LENG8: variants seen among roughly 807,000 people sequenced by gnomAD.
LENG8 encodes the protein leukocyte receptor cluster member 8, also known as leukocyte receptor cluster (LRC) member 8.
In LENG8, 28 loss-of-function variants were observed where a neutral mutation model predicts 102.1. The observed-to-expected ratio is 0.27, with a 90% CI of 0.20 to 0.38. The LOEUF (loss-of-function observed/expected upper bound fraction) is 0.38, where lower values mean the gene tolerates loss of function less well. Ranked by LOEUF, LENG8 falls within the 10% of genes least tolerant of loss-of-function variation. LENG8 has a pLI of 1.00. For synonymous variants in LENG8, 531 were observed against 456.7 expected, an observed-to-expected ratio of 1.16 and a Z score of -2.07; for missense variants, 1,022 against 1,113.9, an observed-to-expected ratio of 0.92 and a Z score of 1.17.
In LENG8 at chr19:54,453,562, A is replaced by G. The variant is rs774561785; in HGVS notation, c.332A>G (p.Tyr111Cys). 5 of 1,613,874 alleles carry G rather than the reference A, an allele frequency of 3.1e-6. No individual in the cohort carries two copies. Among genetic ancestry groups the G allele is most frequent in the South Asian group, 1.1e-5 (1 of 91,070 alleles). ...CCTTTGCAGAGCATGTACCAGAGCT[A>G]TGGCTCCCCTTCCCAGTATGGGATG... ...YYYPMSMYQS[Y>C]GSPSQYGMAG... Residue 111 changes from tyrosine to cysteine, a missense_variant, in exon 5 of 16, where the codon TAT becomes TGT. Tyr to Cys is a radical substitution (Grantham distance 194). Around this residue, in one of 7 missense-constraint regions of LENG8, gnomAD observed 343 missense variants for 320.2 expected, o/e 1.07. Transcript: ENST00000326764.
Position 54,451,306 on chromosome 19 carries a change from C to T in LENG8, c.-39C>T. Reference sequence around the variant, plus strand: ...TTCTCATAGACAGTGAAAAAGCAGTCTGGCTCCCGAGGTCCACCCCTTATA... The same window carrying T: ...TTCTCATAGACAGTGAAAAAGCAGTTTGGCTCCCGAGGTCCACCCCTTATA... On this transcript the variant is annotated 5_prime_UTR_variant, in exon 2 of 16. Transcript: ENST00000326764. 1.9e-6 allele frequency: 3 copies of T among 1,612,306 alleles called. No homozygotes were observed. Among genetic ancestry groups the T allele is most frequent in the Non-Finnish European group, 2.5e-6 (3 of 1,178,314 alleles).
At position 54,461,868 on chromosome 19, in the gene LENG8, C is replaced by G; in HGVS notation, c.*940C>G. 1 of 677,086 alleles carries G rather than the reference C, an allele frequency of 1.5e-6. No individual in the cohort carries two copies. The highest frequency in any genetic ancestry group is 2.8e-6 in the Non-Finnish European group (1 of 361,274). The allele number at this position is 677,086 out of a possible 1,614,324, so 41.9% of individuals were successfully genotyped here. A position where few individuals can be genotyped will look rare whatever the true frequency, so the allele number is the denominator to read the frequency against. On this transcript the variant is annotated 3_prime_UTR_variant, in exon 16 of 16. Coordinates refer to ENST00000326764, the MANE Select transcript of LENG8 (RefSeq NM_052925.4). ...TGCTATGAGTTTGCAAACAGCTGGACTGTCAGGCTGCTTTTTTTCCAGATG... is the reference window on the plus strand; with the variant it reads ...TGCTATGAGTTTGCAAACAGCTGGAGTGTCAGGCTGCTTTTTTTCCAGATG...
rs564515698 is a variant in LENG8, at chr19:54,461,173, A to G, written c.*245A>G. The G allele has an allele frequency of 1.0e-5, 7 of 693,004 alleles. No individual in the cohort carries two copies. The East Asian group carries it at 1.1e-4, about 11-fold the overall frequency. The allele number at this position is 693,004 out of a possible 1,614,324, so 42.9% of individuals were successfully genotyped here. A position where few individuals can be genotyped will look rare whatever the true frequency, so the allele number is the denominator to read the frequency against. ...GGATGGGCAGCGGAGGGTTGGGGGC[A>G]TGGTCTGCAGGCTCATCTGTGTCCG... On this transcript the variant is annotated 3_prime_UTR_variant, in exon 16 of 16. Coordinates refer to ENST00000326764, the MANE Select transcript of LENG8 (RefSeq NM_052925.4).
intron 1 of LENG8, among the ~76,000 whole-genome samples, chr19:54,450,479 T>C (rs1016852756): frequency 1.3e-5 from 2 of 152,178 alleles, no homozygotes; most frequent in African/African-American, 2.4e-5. Flanking sequence ...GCCCCCTCGA[T>C]GCTCCCTGAA....
Position 54,454,807 on chromosome 19 carries a change from G to A in LENG8, c.679+125G>A, listed in dbSNP as rs1311632248. ...TTGTGATCGCCAGGCTGGGGGTGGG[G>A]CTGCTCTGGACCAGGCACATGTGTG... On this transcript the variant is annotated intron_variant, in intron 6 of 15. Transcript: ENST00000326764. The A allele has an allele frequency of 9.1e-6, 13 of 1,423,574 alleles. No individual in the cohort carries two copies. The African/African-American group carries it at 1.4e-4, about 16-fold the overall frequency. The allele number at this position is 1,423,574 out of a possible 1,614,324, so 88.2% of individuals were successfully genotyped here. A position where few individuals can be genotyped will look rare whatever the true frequency, so the allele number is the denominator to read the frequency against.
chr19:54,461,500 CCAGCACCAG>C lies in LENG8; in HGVS notation c.*573_*581del, dbSNP rs1197841759. 2.1e-6 allele frequency: 1 copy of C among 468,472 alleles called. No individual in the cohort carries two copies. The highest frequency in any genetic ancestry group is 2.4e-5 in the Admixed American group (1 of 42,454). The allele number at this position is 468,472 out of a possible 1,614,324, so 29.0% of individuals were successfully genotyped here. ...CCCCCACCCTGAAGTGCCAGCACCA[CCAGCACCAG>C]ATCCTCCGCCGCCACACCGCACTGA... On this transcript the variant is annotated 3_prime_UTR_variant, in exon 16 of 16. Transcript: ENST00000326764.
chr19:54,456,899 C>T lies in LENG8; in HGVS notation c.1709C>T (p.Pro570Leu). 5 of 1,608,362 alleles carry T rather than the reference C, an allele frequency of 3.1e-6. No individual in the cohort carries two copies. Among genetic ancestry groups the T allele is most frequent in the Middle Eastern group, 2.1e-4 (1 of 4,662 alleles). Residue 570 changes from proline to leucine, a missense_variant, in exon 11 of 16, where the codon CCG (proline) becomes CTG (leucine). Pro to Leu is a moderately conservative substitution (Grantham distance 98, BLOSUM62 -3). Around this residue, in one of 7 missense-constraint regions of LENG8, gnomAD observed 158 missense variants for 229.0 expected, o/e 0.69. Transcript: ENST00000326764. The stretch of plus-strand genomic sequence containing the variant: ...CTGCGCCTCACCTGTGCCCCCGACC[C>T]GTCCACCGTGCGCCCTGTGGCAGTA... ...HYLRLTCAPD[P>L]STVRPVAVLK...
intron 15 of LENG8, 158 bp from the exon 16 acceptor site, chr19:54,460,608 C>T (rs1025485854): frequency 1.5e-5 from 22 of 1,424,862 alleles, no homozygotes; most frequent in Non-Finnish European, 1.9e-5. Flanking sequence ...CCCCCCCGAG[C>T]CCCTGAGGTG....
At position 54,461,365 on chromosome 19, in the gene LENG8, G is replaced by T. The variant is rs373853556; in HGVS notation, c.*437G>T. The T allele has an allele frequency of 9.9e-4, 454 of 458,030 alleles. 1 individual carries two copies. Among genetic ancestry groups the T allele is most frequent in the Non-Finnish European group, 1.8e-3 (421 of 228,370 alleles). 28.4% of individuals were successfully genotyped at this position (458,030 alleles called of 1,614,324 possible). A position where few individuals can be genotyped will look rare whatever the true frequency, so the allele number is the denominator to read the frequency against. ...TGCGGCGGGGGCACCCAGCAAGCCCGCCCACCGCCCGCTGCCTCACCTGCT... is the reference window on the plus strand; with the variant it reads ...TGCGGCGGGGGCACCCAGCAAGCCCTCCCACCGCCCGCTGCCTCACCTGCT... On this transcript the variant is annotated 3_prime_UTR_variant, in exon 16 of 16. Transcript: ENST00000326764.
chr19:54,460,940 G>A lies in LENG8; in HGVS notation c.*12G>A, dbSNP rs1440511048. On this transcript the variant is annotated 3_prime_UTR_variant, in exon 16 of 16. Coordinates refer to ENST00000326764, the MANE Select transcript of LENG8 (RefSeq NM_052925.4). ...TGTCAGCCTTCTGAGCACCCAGCGA[G>A]GAGGGGCGGGGGCAGGGGCTGCAGC... 5.8e-6 allele frequency: 9 copies of A among 1,542,310 alleles called. No homozygotes were observed. Among genetic ancestry groups the A allele is most frequent in the African/African-American group, 1.4e-5 (1 of 73,236 alleles).
At chr19:54,459,649 G>A (rs1246876589) in intron 15 of LENG8, 1 of 999,464 alleles carries the variant, frequency 1.0e-6, no homozygotes, top group East Asian at 1.1e-4. Flanking sequence ...CTCCGTGTGA[G>A]GTCATGGTCA....
At chr19:54,449,789 T>G (rs1366236012) in intron 1 of LENG8, 1 of 152,324 alleles carries the variant, frequency 6.6e-6, no homozygotes, top group African/African-American at 2.4e-5. Flanking sequence ...CTGTCTCTGT[T>G]CTTGAGACCC....
rs558091717 is a variant in LENG8, at chr19:54,452,764, G to A, written c.315+12G>A. On this transcript the variant is annotated intron_variant, in intron 4 of 15. Transcript: ENST00000326764. ...ACTACTATCCCATGGTGAGTGCCCA[G>A]CCAGTGGGGCGGGGCAGGGCGAGGT... 1.2e-5 allele frequency: 19 copies of A among 1,596,628 alleles called. No individual in the cohort carries two copies. The South Asian group carries it at 2.0e-4, about 17-fold the overall frequency.
chr19:54,455,650 C>G, intron 8 of LENG8, 83 bp downstream of exon 8: 1 of 1,259,652 alleles, frequency 7.9e-7, no homozygotes. Context: ...AGTTGCGGGT[C>G]CCAGGTACCA....
At chr19:54,454,079 A>G (rs1038865428) in intron 5 of LENG8, among the ~76,000 whole-genome samples, 30 of 151,972 alleles carry the variant, frequency 2.0e-4, no homozygotes, top group Non-Finnish European at 1.0e-4. Context: ...CTTGGGCTCC[A>G]TGAGTGTGTG....
rs199646040 is a variant in LENG8, at chr19:54,451,394, G to A, written c.38+12G>A. The A allele has an allele frequency of 2.1e-4, 342 of 1,613,734 alleles. 1 individual carries two copies. Among genetic ancestry groups the A allele is most frequent in the Middle Eastern group, 1.6e-4 (1 of 6,084 alleles). The stretch of plus-strand genomic sequence containing the variant: ...CGTAGCACAGATTGGTTAGTGAGGC[G>A]AGAGGGATGGAGGCCAGTCGGGAGG... On this transcript the variant is annotated intron_variant, in intron 2 of 15. Transcript: ENST00000326764.
chr19:54,453,317 G>C (rs1475707759), intron 4 of LENG8, among the ~76,000 whole-genome samples: 2 of 152,204 alleles, frequency 1.3e-5, no homozygotes, highest in Non-Finnish European at 2.9e-5. Flanking sequence ...AGAAGAGTTG[G>C]CACTCAGTAT....
In LENG8 at chr19:54,454,438, C is replaced by T. The variant is rs1464103886; in HGVS notation, c.435C>T (p.Val145=). The T allele has an allele frequency of 2.5e-6, 4 of 1,606,350 alleles. No homozygotes were observed. The highest frequency in any genetic ancestry group is 2.2e-5 in the South Asian group (2 of 90,424). ...QHQGTLNQPP[V]PGMDESMSYQ... is the part of the protein sequence containing the mutation. ...CCTGCTTCCTTCTGCAGCCCCCAGT[C>T]CCCGGCATGGATGAGAGCATGTCCT... The change falls in exon 6 of 16, where the codon GTC becomes GTT. Residue 145 remains valine, a synonymous_variant. Transcript: ENST00000326764.
At chr19:54,460,207 A>G in intron 15 of LENG8, 1 of 1,289,724 alleles carries the variant, frequency 7.8e-7, no homozygotes, top group South Asian at 1.2e-5. Flanking sequence ...TGGAAAGGGT[A>G]GGGCTGCACC....
Sources: gnomAD v4.1 joint callset for allele counts (sites outside exome capture counted in the v4.1 genomes callset) on GRCh38, gnomAD v4.1.1 for gene constraint, gnomAD v4.1.1 regional missense constraint, MANE v1.5 for transcripts, NCBI Gene and HGNC (gene_info 2026-07-23, HGNC 2026-07-21) for gene names.